Variants in FHIT observed in about 807,000 individuals in gnomAD.
FHIT encodes bis(5'-adenosyl)-triphosphatase.
In FHIT, 19 loss-of-function variants were observed where a neutral mutation model predicts 17.9. The ratio of observed to expected loss-of-function variants is 1.06; its 90% CI spans 0.74 to 1.56. The LOEUF (loss-of-function observed/expected upper bound fraction) is 1.56, where lower values mean the gene tolerates loss of function less well. Ranked by LOEUF, FHIT falls within the 40% of genes most tolerant of loss-of-function variation. The probability of loss-of-function intolerance (pLI) is 0.00; values close to 1 mark genes in which losing one functional copy is unlikely to be tolerated. For synonymous variants in FHIT, 81 were observed against 69.7 expected (o/e 1.16, Z -0.81); for missense variants, 248 against 189.2 (o/e 1.31, Z -1.82).
intron 5 of FHIT, among the ~76,000 whole-genome samples, chr3:60,086,146 G>C (rs79639799): frequency 9.9e-5 from 15 of 152,202 alleles, no homozygotes; most frequent in African/African-American, 3.6e-4. Flanking sequence ...GCAAGAGAGA[G>C]AGTAAAAGGG....
chr3:60,732,631 G>T, intron 4 of FHIT: 2 of 483,498 alleles, frequency 4.1e-6, no homozygotes, highest in South Asian at 1.8e-5. Context: ...CGGTGGGGTT[G>T]ACCATGGCTG....
intron 4 of FHIT, among the ~76,000 whole-genome samples, chr3:60,567,675 C>T (rs2037189491): frequency 6.6e-6 from 1 of 152,122 alleles, no homozygotes; most frequent in East Asian, 1.9e-4. Flanking sequence ...AGGCCACCTA[C>T]AGAATGGGAG....
intron 3 of FHIT, among the ~76,000 whole-genome samples, chr3:60,991,649 G>C (rs1272993490): frequency 1.3e-5 from 2 of 152,070 alleles, no homozygotes; most frequent in African/African-American, 4.8e-5. Context: ...TGTGATCTTA[G>C]GGACTCCATC....
At chr3:59,759,757 A>C (rs1172602097) in intron 8 of FHIT, among the ~76,000 whole-genome samples, 1 of 151,550 alleles carries the variant, frequency 6.6e-6, no homozygotes, top group African/African-American at 2.4e-5. Flanking sequence ...TCCTTTGTCT[A>C]TGTGCTGGTT....
At chr3:61,234,053 A>G (rs2040169721) in intron 1 of FHIT, among the ~76,000 whole-genome samples, 1 of 152,260 alleles carries the variant, frequency 6.6e-6, no homozygotes, top group Admixed American at 6.5e-5. Flanking sequence ...CAGTACAGGC[A>G]ACCCAGCAAA....
At chr3:60,538,305 G>T (rs912753684) in intron 4 of FHIT, among the ~76,000 whole-genome samples, 3 of 152,182 alleles carry the variant, frequency 2.0e-5, no homozygotes, top group African/African-American at 7.2e-5. Context: ...CAAACAAATG[G>T]AAGAACATTC....
rs546427236 is a variant in FHIT at position 61,078,988 on chromosome 3, C to T, written c.-163-36889G>A. On this transcript the variant is annotated intron_variant, in intron 2 of 9. Transcript: ENST00000492590. ...CAAAACATGAAAGTCAATATGGGTA[C>T]CACAGACCAGGTTAGAAAAAAAAAG... Among the ~76,000 whole-genome samples, 8 of 151,998 alleles carry T rather than the reference C, an allele frequency of 5.3e-5. No homozygotes were observed. The South Asian group carries it at 1.7e-3, about 32-fold the overall frequency.
intron 5 of FHIT, among the ~76,000 whole-genome samples, chr3:60,017,905 A>G (rs940118353): frequency 9.2e-5 from 14 of 152,148 alleles, no homozygotes; most frequent in African/African-American, 3.4e-4. Context: ...CTCCCATCCT[A>G]CACATGCTGT....
chr3:59,941,783 A>T (rs904777003), intron 7 of FHIT, among the ~76,000 whole-genome samples: 1 of 152,166 alleles, frequency 6.6e-6, no homozygotes, highest in Non-Finnish European at 1.5e-5. Context: ...CTCTGAGGGC[A>T]AACGCTCCCT....
intron 5 of FHIT, among the ~76,000 whole-genome samples, chr3:60,386,874 G>T: frequency 6.6e-6 from 1 of 152,222 alleles, no homozygotes; most frequent in Non-Finnish European, 1.5e-5. Context: ...TAAACACAAT[G>T]AGGGCTCAGA....
chr3:60,073,340 C>T (rs1398929526), intron 5 of FHIT, among the ~76,000 whole-genome samples: 1 of 152,016 alleles, frequency 6.6e-6, no homozygotes, highest in Non-Finnish European at 1.5e-5. Flanking sequence ...TACTCACTCA[C>T]CTTGCCTTAT....
At chr3:60,968,236 A>G (rs938994659) in intron 3 of FHIT, among the ~76,000 whole-genome samples, 4 of 152,224 alleles carry the variant, frequency 2.6e-5, no homozygotes, top group African/African-American at 9.6e-5. Flanking sequence ...TATCCACACT[A>G]GAATGCATAA....
At chr3:60,342,044 G>A (rs1188381176) in intron 5 of FHIT, among the ~76,000 whole-genome samples, 1 of 152,116 alleles carries the variant, frequency 6.6e-6, no homozygotes, top group Admixed American at 6.6e-5. Context: ...CTGCTAACAG[G>A]CCATCACCTC....
intron 3 of FHIT, among the ~76,000 whole-genome samples, chr3:61,037,590 G>A (rs1317426687): frequency 6.6e-6 from 1 of 152,206 alleles, no homozygotes; most frequent in Non-Finnish European, 1.5e-5. Flanking sequence ...TGCAACAGAG[G>A]TGGGTCCTTC....
In FHIT at chr3:60,389,462, G is replaced by A. The variant is rs561473489; in HGVS notation, c.103+147398C>T. On this transcript the variant is annotated intron_variant, in intron 5 of 9. Transcript: ENST00000492590. ...CTCACTCTGTCATCTGTCCTCACAC[G>A]TAGGCTTTCTGCTTATACACTCCAA... is the stretch of plus-strand genomic sequence containing the variant. Among the ~76,000 whole-genome samples the A allele has an allele frequency of 2.6e-5, 4 of 152,242 alleles. No individual in the cohort carries two copies. The Middle Eastern group carries it at 0.01, about 388-fold the overall frequency.
chr3:61,034,294 C>T (rs75432959), intron 3 of FHIT, among the ~76,000 whole-genome samples: 19,361 of 151,986 alleles, frequency 0.13, 1,294 homozygotes, highest in South Asian at 0.17. Flanking sequence ...AACCTTGGTA[C>T]ATCAAAGACA....
intron 3 of FHIT, among the ~76,000 whole-genome samples, chr3:60,930,109 T>C (rs1446995297): frequency 1.3e-5 from 2 of 152,016 alleles, no homozygotes; most frequent in Non-Finnish European, 2.9e-5. Flanking sequence ...AAACAAGCAG[T>C]GGGGAAAGGA....
At chr3:59,963,637 C>T (rs1174766243) in intron 7 of FHIT, among the ~76,000 whole-genome samples, 1 of 152,072 alleles carries the variant, frequency 6.6e-6, no homozygotes, top group Non-Finnish European at 1.5e-5. Flanking sequence ...TTCATTTATT[C>T]CTAAAAATTA....
intron 7 of FHIT, among the ~76,000 whole-genome samples, chr3:59,982,274 AG>A (rs1164654188): frequency 3.9e-5 from 6 of 152,286 alleles, no homozygotes; most frequent in African/African-American, 1.4e-4. Flanking sequence ...AAGTGGAAAA[AG>A]AAGGTATGAA....
Sources: gnomAD v4.1 joint callset for allele counts (sites outside exome capture counted in the v4.1 genomes callset) on GRCh38, gnomAD v4.1.1 for gene constraint, MANE v1.5 for transcripts, NCBI Gene and HGNC (gene_info 2026-07-23, HGNC 2026-07-21) for gene names.